Variants in OSBPL10 observed in about 807,000 individuals in gnomAD.
The protein encoded by OSBPL10 is oxysterol-binding protein-related protein 10.
OSBPL10 carries 49 observed loss-of-function variants against 81.7 expected under a neutral mutation model. The ratio of observed to expected loss-of-function variants is 0.60; its 90% CI spans 0.48 to 0.76. The LOEUF (loss-of-function observed/expected upper bound fraction) is 0.76, where lower values mean the gene tolerates loss of function less well. Ranked by LOEUF, OSBPL10 falls within the 30% of genes least tolerant of loss-of-function variation. The pLI, the probability that OSBPL10 is intolerant of heterozygous loss-of-function variation, is 0.00. For missense variants in OSBPL10, 923 were observed against 987.8 expected, an observed-to-expected ratio of 0.93 and a Z score of 0.88; for synonymous variants, 419 against 383.6, an observed-to-expected ratio of 1.09 and a Z score of -1.08.
intron 2 of OSBPL10, among the ~76,000 whole-genome samples, chr3:32,009,649 T>C (rs1330076807): frequency 6.6e-6 from 1 of 152,210 alleles, no homozygotes; most frequent in African/African-American, 2.4e-5. Context: ...GCAGCAGCAC[T>C]GCAGTTGAAT....
chr3:31,705,448 T>G (rs1335982484), intron 6 of OSBPL10, among the ~76,000 whole-genome samples: 3 of 143,416 alleles, frequency 2.1e-5, no homozygotes, highest in Non-Finnish European at 4.5e-5. Context: ...GCAGGTCAAC[T>G]CTGTCTGAAA....
At chr3:32,021,957 G>C (rs59721702) in intron 2 of OSBPL10, among the ~76,000 whole-genome samples, 116,092 of 150,478 alleles carry the variant, frequency 0.77, 47,136 homozygotes, top group Non-Finnish European at 0.91. Flanking sequence ...TCCAGCCTGG[G>C]CAACAGGAGA....
intron 6 of OSBPL10, chr3:31,710,490 G>A (rs1559427712): frequency 6.6e-6 from 1 of 152,228 alleles, no homozygotes; most frequent in Admixed American, 6.5e-5. Context: ...GAGGGCTTTG[G>A]GGCTGCAGGG....
chr3:31,770,033 G>C (rs1434626441), intron 4 of OSBPL10, among the ~76,000 whole-genome samples: 1 of 152,124 alleles, frequency 6.6e-6, no homozygotes, highest in Non-Finnish European at 1.5e-5. Flanking sequence ...CCTAAGGAAA[G>C]AGTCCTTGAC....
At position 31,879,706 on chromosome 3, in the gene OSBPL10, G is replaced by A; in HGVS notation, c.406C>T (p.Pro136Ser). The change falls in exon 2 of 12, where the codon CCC becomes TCC. Residue 136 changes from proline (P) to serine (S), a missense_variant. Pro to Ser is a moderately conservative substitution (Grantham distance 74). This residue lies in a region of OSBPL10 where 514 missense variants were observed against 508.0 expected (regional missense o/e 1.01). Coordinates refer to ENST00000396556, the MANE Select transcript of OSBPL10 (RefSeq NM_017784.5). ...GCAGAGTACACCACCAGCATGTGGGGAGCTTCATCGCTCAGGGACACTATG... is the reference window on the plus strand; with the variant it reads ...GCAGAGTACACCACCAGCATGTGGGAAGCTTCATCGCTCAGGGACACTATG... ...GAIVSLSDEA[P>S]HMLVVYSANG... 6.2e-7 allele frequency: 1 copy of A among 1,614,196 alleles called. No homozygotes were observed. The highest frequency in any genetic ancestry group is 8.5e-7 in the Non-Finnish European group (1 of 1,180,032).
At chr3:32,072,055 C>A (rs1474229866) in intron 1 of OSBPL10, among the ~76,000 whole-genome samples, 1 of 152,174 alleles carries the variant, frequency 6.6e-6, no homozygotes, top group Non-Finnish European at 1.5e-5. Flanking sequence ...TCTCAGCAAG[C>A]CGAACTCATT....
intron 6 of OSBPL10, among the ~76,000 whole-genome samples, chr3:31,731,642 C>T (rs969643980): frequency 6.6e-6 from 1 of 152,104 alleles, no homozygotes; most frequent in Non-Finnish European, 1.5e-5. Context: ...GCGTGTGCCA[C>T]CACGCCCAGC....
chr3:31,991,097 G>A (rs1444277776), intron 2 of OSBPL10: 9 of 986,430 alleles, frequency 9.1e-6, no homozygotes, highest in Middle Eastern at 2.2e-4. Flanking sequence ...ATTGACTTGA[G>A]TTTCAGTTGA....
At chr3:31,719,817 C>G (rs1696577401) in intron 6 of OSBPL10, among the ~76,000 whole-genome samples, 1 of 151,898 alleles carries the variant, frequency 6.6e-6, no homozygotes, top group Non-Finnish European at 1.5e-5. Flanking sequence ...AATGCCACTC[C>G]TAGGGTCCAG....
At chr3:31,769,714 G>C (rs370054322) in intron 4 of OSBPL10, among the ~76,000 whole-genome samples, 1 of 151,934 alleles carries the variant, frequency 6.6e-6, no homozygotes, top group Non-Finnish European at 1.5e-5. Context: ...CATATAGGCT[G>C]TCAGTTCCCA....
chr3:31,928,855 G>C (rs1697157522), intron 1 of OSBPL10, among the ~76,000 whole-genome samples: 1 of 151,536 alleles, frequency 6.6e-6, no homozygotes, highest in Non-Finnish European at 1.5e-5. Context: ...CTACCAAAAG[G>C]TGTTGACAGG....
chr3:31,905,345 A>ATTTTTTTTTTTTTTTTTTTTTTTGTTTT (rs386396290), intron 1 of OSBPL10, among the ~76,000 whole-genome samples: 2 of 94,860 alleles, frequency 2.1e-5, no homozygotes, highest in Non-Finnish European at 3.8e-5. Flanking sequence ...GAACCTGGTG[A>ATTTTTTTTTTTTTTTTTTTTTTTGTTTT]TTTTTTTTTT....
chr3:31,851,237 T>C (rs1212917020), intron 3 of OSBPL10, among the ~76,000 whole-genome samples: 4 of 152,256 alleles, frequency 2.6e-5, no homozygotes, highest in African/African-American at 4.8e-5. Flanking sequence ...TATAGTTTCA[T>C]ACTGTACAGA....
At chr3:31,845,561 C>T (rs1700608244) in intron 3 of OSBPL10, among the ~76,000 whole-genome samples, 2 of 152,142 alleles carry the variant, frequency 1.3e-5, no homozygotes, top group South Asian at 4.1e-4. Context: ...TTCTATTATT[C>T]CTCAACTTCC....
intron 2 of OSBPL10, among the ~76,000 whole-genome samples, chr3:31,991,863 TA>T (rs34418500): frequency 0.31 from 44,893 of 145,798 alleles, 8,582 homozygotes; most frequent in African/African-American, 0.55. Flanking sequence ...CAAGACAGGC[TA>T]AAAAAAAAAA....
chr3:31,930,001 AC>A (rs1329813974), intron 1 of OSBPL10, among the ~76,000 whole-genome samples: 4 of 105,338 alleles, frequency 3.8e-5, no homozygotes, highest in African/African-American at 1.5e-4. Context: ...CCTGTCACCA[AC>A]CAAAAAAAAA....
At chr3:31,972,679 A>G (rs1698599062) in intron 1 of OSBPL10, among the ~76,000 whole-genome samples, 1 of 152,222 alleles carries the variant, frequency 6.6e-6, no homozygotes, top group South Asian at 2.1e-4. Flanking sequence ...CACTCATGGC[A>G]GCCTGCACAG....
intron 1 of OSBPL10, 114 bp from the exon 2 acceptor site, chr3:31,879,944 C>G (rs1270159586): frequency 2.6e-6 from 3 of 1,160,172 alleles, no homozygotes; most frequent in South Asian, 1.7e-5. Flanking sequence ...ATCCATGAAG[C>G]TGGAAACCAA....
At chr3:32,020,275 C>G (rs1699349222) in intron 2 of OSBPL10, among the ~76,000 whole-genome samples, 1 of 152,168 alleles carries the variant, frequency 6.6e-6, no homozygotes, top group Non-Finnish European at 1.5e-5. Context: ...GAACCCTGCC[C>G]AATTTCCTTT....
Sources: allele counts gnomAD v4.1 joint callset (sites outside exome capture counted in the v4.1 genomes callset), GRCh38; gene constraint gnomAD v4.1.1; regional missense constraint gnomAD v4.1.1; transcripts MANE v1.5; gene names NCBI Gene and HGNC (gene_info 2026-07-23, HGNC 2026-07-21).